The following RBFOX1 variants were observed in gnomAD, a reference collection of about 807,000 sequenced individuals.
RBFOX1 encodes the protein RNA binding fox-1 homolog 1.
A neutral mutation model predicts 57.7 loss-of-function variants in RBFOX1; 8 were observed. That is an observed-to-expected ratio of 0.14 (90% CI 0.08 to 0.25). The LOEUF (loss-of-function observed/expected upper bound fraction) is 0.25. Ranked by LOEUF, RBFOX1 falls within the 10% of genes least tolerant of loss-of-function variation. The probability of loss-of-function intolerance (pLI) is 1.00; values close to 1 mark genes in which losing one functional copy is unlikely to be tolerated. For synonymous variants in RBFOX1, 326 were observed against 222.4 expected, an observed-to-expected ratio of 1.47 and a Z score of -4.15; for missense variants, 611 against 548.5, an observed-to-expected ratio of 1.11 and a Z score of -1.14.
At chr16:6,249,975 A>G (rs936986301) in intron 1 of RBFOX1, among the ~76,000 whole-genome samples, 1 of 151,886 alleles carries the variant, frequency 6.6e-6, no homozygotes, top group African/African-American at 2.4e-5. Flanking sequence ...CTGGCAGTGG[A>G]GCAGGAAATG....
Position 5,384,234 on chromosome 16 carries a change from G to A in RBFOX1, c.220-82982G>A, listed in dbSNP as rs375145384. ...GGCTTCTTGCAGAGGTCAGGGTGGA[G>A]TCATCTCACTCCCTACCTGGACTGA... On this transcript the variant is annotated intron_variant, in intron 1 of 2. Transcript: ENST00000585867. Among the ~76,000 whole-genome samples the A allele has an allele frequency of 3.3e-5, 5 of 152,284 alleles. No homozygotes were observed. The East Asian group carries it at 5.8e-4, about 18-fold the overall frequency.
intron 2 of RBFOX1, among the ~76,000 whole-genome samples, chr16:5,476,493 G>T (rs769488507): frequency 1.3e-5 from 2 of 152,200 alleles, no homozygotes; most frequent in Non-Finnish European, 2.9e-5. Flanking sequence ...ACTCATTCAT[G>T]TAGTGGTCAA....
intron 3 of RBFOX1, among the ~76,000 whole-genome samples, chr16:7,050,043 A>G (rs887487404): frequency 6.6e-6 from 1 of 151,972 alleles, no homozygotes; most frequent in African/African-American, 2.4e-5. Flanking sequence ...GGCAACATTT[A>G]ATTTGTTCTC....
intron 3 of RBFOX1, among the ~76,000 whole-genome samples, chr16:6,857,367 C>A (rs767490717): frequency 6.6e-6 from 1 of 152,122 alleles, no homozygotes; most frequent in African/African-American, 2.4e-5. Flanking sequence ...TCACGTTATT[C>A]TTAGTGAATC....
At chr16:5,635,990 C>A (rs2151316470) in intron 3 of RBFOX1, among the ~76,000 whole-genome samples, 1 of 152,184 alleles carries the variant, frequency 6.6e-6, no homozygotes, top group Middle Eastern at 3.4e-3. Context: ...GGGAGGATTT[C>A]CTGAGGCCAG....
intron 4 of RBFOX1, among the ~76,000 whole-genome samples, chr16:7,343,908 A>G (rs1417918424): frequency 6.6e-6 from 1 of 152,164 alleles, no homozygotes; most frequent in Non-Finnish European, 1.5e-5. Context: ...AGCACCTGGC[A>G]CATAGAAAGT....
chr16:6,163,973 T>C (rs971268727), intron 1 of RBFOX1, among the ~76,000 whole-genome samples: 6 of 152,224 alleles, frequency 3.9e-5, no homozygotes, highest in African/African-American at 1.4e-4. Flanking sequence ...GTGGTTATAA[T>C]AGAGACACAG....
chr16:6,998,884 T>A (rs2092505083), intron 3 of RBFOX1, among the ~76,000 whole-genome samples: 1 of 151,856 alleles, frequency 6.6e-6, no homozygotes, highest in Non-Finnish European at 1.5e-5. Flanking sequence ...TTATTATTAT[T>A]TTGCGACTGA....
At chr16:6,896,196 C>T (rs989041239) in intron 3 of RBFOX1, among the ~76,000 whole-genome samples, 1 of 152,096 alleles carries the variant, frequency 6.6e-6, no homozygotes, top group Non-Finnish European at 1.5e-5. Flanking sequence ...TCACTTGAAC[C>T]TGGCAGGCGA....
chr16:5,588,107 C>G (rs368759596), intron 2 of RBFOX1, among the ~76,000 whole-genome samples: 6 of 152,010 alleles, frequency 3.9e-5, no homozygotes, highest in African/African-American at 9.7e-5. Context: ...AAGCCAGGCA[C>G]AAAAGACCAT....
chr16:6,908,395 C>G (rs1033004700), intron 3 of RBFOX1, among the ~76,000 whole-genome samples: 8 of 152,146 alleles, frequency 5.3e-5, no homozygotes, highest in Non-Finnish European at 7.4e-5. Context: ...CCTGCCTTCT[C>G]TTTCCTCCCA....
chr16:5,949,893 G>A (rs1170711376), intron 4 of RBFOX1, among the ~76,000 whole-genome samples: 1 of 152,126 alleles, frequency 6.6e-6, no homozygotes, highest in Non-Finnish European at 1.5e-5. Context: ...GAGAGCTTCG[G>A]TCATAGAGTG....
chr16:5,415,576 C>G (rs574328176), intron 1 of RBFOX1, among the ~76,000 whole-genome samples: 4 of 152,286 alleles, frequency 2.6e-5, no homozygotes, highest in East Asian at 3.9e-4. Context: ...AAGATTAGCT[C>G]TTAGGTTCTG....
intron 2 of RBFOX1, 139 bp downstream of exon 2, chr16:6,317,196 C>G (rs759691341): frequency 1.4e-5 from 11 of 776,486 alleles, no homozygotes; most frequent in East Asian, 2.7e-5. Context: ...CTCTTCTGCC[C>G]TATTGTATCA....
intron 3 of RBFOX1, among the ~76,000 whole-genome samples, chr16:5,856,179 CTCTCTCTCTATATA>C (rs2057028490): frequency 1.8e-5 from 1 of 54,422 alleles, no homozygotes; most frequent in South Asian, 6.5e-4. Context: ...CTCTCTCTCT[CTCTCTCTCTATATA>C]TATATATATA....
chr16:7,202,039 C>A (rs535616045), intron 4 of RBFOX1, among the ~76,000 whole-genome samples: 80 of 152,210 alleles, frequency 5.3e-4, no homozygotes, highest in Non-Finnish European at 1.2e-4. Context: ...TTTGGAAGAT[C>A]CTCCCATGGT....
chr16:6,919,804 T>C lies in RBFOX1; in HGVS notation c.-15-132253T>C, dbSNP rs899951646. Among the ~76,000 whole-genome samples the C allele has an allele frequency of 1.9e-4, 27 of 140,808 alleles. 1 individual carries two copies. The highest frequency in any genetic ancestry group is 7.1e-4 in the African/African-American group (27 of 37,912). The allele number at this position is 140,808 out of a possible 152,430, so 92.4% of individuals were successfully genotyped here. On this transcript the variant is annotated intron_variant, in intron 3 of 15. Coordinates refer to ENST00000550418, the MANE Select transcript of RBFOX1 (RefSeq NM_018723.4). ...TTTTTTTTCATTATTATTATTTCAA[T>C]AGTTCTGGGAGAACAAGTGGTTTTT...
intron 3 of RBFOX1, among the ~76,000 whole-genome samples, chr16:6,664,578 A>G (rs1157450446): frequency 1.3e-5 from 2 of 152,178 alleles, no homozygotes; most frequent in African/African-American, 4.8e-5. Flanking sequence ...GCTGTGCGAG[A>G]GACAGCTGCG....
intron 4 of RBFOX1, among the ~76,000 whole-genome samples, chr16:7,109,120 T>C (rs1288655321): frequency 2.0e-5 from 3 of 152,214 alleles, no homozygotes; most frequent in African/African-American, 7.2e-5. Context: ...CTCTTTGAAT[T>C]ACTTTAAATA....
Sources: allele counts gnomAD v4.1 joint callset (sites outside exome capture counted in the v4.1 genomes callset), GRCh38; gene constraint gnomAD v4.1.1; transcripts MANE v1.5; gene names NCBI Gene and HGNC (gene_info 2026-07-23, HGNC 2026-07-21).